Variants in NUP210 observed in about 807,000 individuals in gnomAD.
NUP210 encodes nucleoporin 210.
A neutral mutation model predicts 196.0 loss-of-function variants in NUP210; 151 were observed. The ratio of observed to expected loss-of-function variants is 0.77; its 90% CI spans 0.67 to 0.88. The LOEUF is 0.88. Among genes scored for constraint, NUP210 ranks in the 40% least tolerant of loss-of-function variants. NUP210 has a pLI of 0.00. For synonymous variants in NUP210, 1,070 were observed against 1,052.7 expected (o/e 1.02, Z -0.32); for missense variants, 2,314 against 2,493.7 (o/e 0.93, Z 1.53).
At chr3:13,399,969 A>C (rs1699781880) in intron 1 of NUP210, 108 bp from the exon 2 acceptor site, 7 of 1,346,042 alleles carry the variant, frequency 5.2e-6, no homozygotes, top group Non-Finnish European at 6.0e-6. Flanking sequence ...CTGGACCCAA[A>C]GACAGAAGTG....
intron 19 of NUP210, 46 bp from the exon 20 acceptor site, chr3:13,352,026 C>G: frequency 1.9e-6 from 3 of 1,603,306 alleles, no homozygotes; most frequent in Non-Finnish European, 2.6e-6. Flanking sequence ...TGTGGGAGGG[C>G]GAGGAGTCCC....
intron 16 of NUP210, chr3:13,354,817 T>C (rs1013992594): frequency 6.6e-6 from 1 of 152,130 alleles, no homozygotes; most frequent in African/African-American, 2.4e-5. Flanking sequence ...TCCAAGGAGG[T>C]TCGCAATGGG....
rs1192345077 is a variant in NUP210 at position 13,325,861 on chromosome 3, C to T, written c.4578G>A (p.Val1526=). 6 of 1,613,926 alleles carry T rather than the reference C, an allele frequency of 3.7e-6. No homozygotes were observed. The African/African-American group carries it at 8.0e-5, about 22-fold the overall frequency. ...LHIDPKTGVA[V]ARAVGSVTVY... ...CCGTCACGGATCCCACGGCCCGGGC[C>T]ACAGCCACACCCGTCTTGGGGTCGA... Residue 1526 remains valine (V), a synonymous_variant, in exon 33 of 40, where the codon GTG becomes GTA. Coordinates refer to ENST00000254508, the MANE Select transcript of NUP210 (RefSeq NM_024923.4).
intron 20 of NUP210, among the ~76,000 whole-genome samples, chr3:13,351,209 A>T (rs1216801968): frequency 6.6e-6 from 1 of 152,250 alleles, no homozygotes; most frequent in Non-Finnish European, 1.5e-5. Flanking sequence ...GCTAAAGTCA[A>T]TGCTTGCAAG....
chr3:13,319,947 G>A lies in NUP210; in HGVS notation c.5199C>T (p.Phe1733=), dbSNP rs374239607. Residue 1733 remains phenylalanine, a synonymous_variant, in exon 37 of 40, where the codon TTC becomes TTT. Transcript: ENST00000254508. ...VKSGSPAVLA[F]AKEKSFGWPS... is the part of the protein sequence containing the mutation. ...GCCACCCAAAAGACTTCTCCTTTGC[G>A]AATGCCAGCACGGCCGGGGACCCGG... The A allele has an allele frequency of 3.8e-5, 61 of 1,614,092 alleles. 2 individuals carry two copies. The Admixed American group carries it at 9.2e-4, about 24-fold the overall frequency.
In NUP210 at chr3:13,354,122, G is replaced by A; in HGVS notation, c.2329-15C>T. ...GACACTGGGACCTGCAGGGAACACA[G>A]GTCAGATGTTGTGGTCACCCCCAGG... On this transcript the variant is annotated splice_polypyrimidine_tract_variant and intron_variant, in intron 16 of 39. Transcript: ENST00000254508. 6.4e-7 allele frequency: 1 copy of A among 1,572,392 alleles called. No homozygotes were observed. The highest frequency in any genetic ancestry group is 8.6e-7 in the Non-Finnish European group (1 of 1,159,074).
chr3:13,380,997 T>C (rs953003024), intron 6 of NUP210, among the ~76,000 whole-genome samples: 12 of 152,386 alleles, frequency 7.9e-5, no homozygotes, highest in African/African-American at 2.6e-4. Context: ...ACTCCAGGGC[T>C]GGGCTCCAGC....
At position 13,420,262 on chromosome 3, in the gene NUP210, G is replaced by T. The variant is rs769193205; in HGVS notation, c.-36C>A. 1.2e-5 allele frequency: 13 copies of T among 1,053,856 alleles called. No homozygotes were observed. In the African/African-American group the frequency reaches 2.1e-4, roughly 17 times the overall value. 65.3% of individuals were successfully genotyped at this position (1,053,856 alleles called of 1,614,324 possible). A position where few individuals can be genotyped will look rare whatever the true frequency, so the allele number is the denominator to read the frequency against. On this transcript the variant is annotated 5_prime_UTR_variant, in exon 1 of 40. Coordinates refer to ENST00000254508, the MANE Select transcript of NUP210 (RefSeq NM_024923.4). This position sits in a 1 kb window ranked among gnomAD's most constrained non-coding sequence, Gnocchi z 4.8. ...CGTCACCTCCCGCGACCCTGCGCCC[G>T]GCCGCCCGCGCCGCCCCGTTGCCCT...
chr3:13,330,140 G>T (rs1276381645), intron 30 of NUP210, among the ~76,000 whole-genome samples: 1 of 152,244 alleles, frequency 6.6e-6, no homozygotes, highest in Non-Finnish European at 1.5e-5. Context: ...AGGCACAGTG[G>T]GTGGAGCACC....
At chr3:13,389,778 C>T (rs1248422098) in intron 4 of NUP210, among the ~76,000 whole-genome samples, 1 of 152,156 alleles carries the variant, frequency 6.6e-6, no homozygotes, top group Non-Finnish European at 1.5e-5. Context: ...CAGTAAACTC[C>T]CTGACAAAGG....
chr3:13,408,874 C>T (rs1029139082), intron 1 of NUP210, among the ~76,000 whole-genome samples: 2 of 151,778 alleles, frequency 1.3e-5, no homozygotes, highest in East Asian at 3.9e-4. Context: ...GGGCTGCATA[C>T]TCTGCAAGTG....
intron 31 of NUP210, 78 bp from the exon 32 acceptor site, chr3:13,327,515 T>C (rs1425003772): frequency 2.8e-6 from 3 of 1,060,192 alleles, no homozygotes; most frequent in Middle Eastern, 3.0e-4. Context: ...ACGTAATCCA[T>C]GTCCTCTGCT....
At chr3:13,411,897 C>T (rs542185093) in intron 1 of NUP210, among the ~76,000 whole-genome samples, 6 of 152,134 alleles carry the variant, frequency 3.9e-5, no homozygotes, top group Admixed American at 1.3e-4. Context: ...CCCAGCACCA[C>T]GCCCAGCTAT....
At position 13,352,187 on chromosome 3, in the gene NUP210, G is replaced by A. The variant is rs372170312; in HGVS notation, c.2629-3C>T. 2 of 1,607,702 alleles carry A rather than the reference G, an allele frequency of 1.2e-6. No homozygotes were observed. Among genetic ancestry groups the A allele is most frequent in the African/African-American group, 2.7e-5 (2 of 74,832 alleles). ...GACAGAGGCACCAGAGGGTCATGCT[G>A]AAGGACAAGGGCAAGGCCATTAGAT... On this transcript the variant is annotated splice_region_variant and splice_polypyrimidine_tract_variant and intron_variant, in intron 18 of 39. Transcript: ENST00000254508.
chr3:13,376,939 C>T (rs1032409061), intron 9 of NUP210, among the ~76,000 whole-genome samples: 4 of 152,112 alleles, frequency 2.6e-5, no homozygotes, highest in African/African-American at 9.7e-5. Context: ...TCACAGGGGA[C>T]AGAGAGGCAG....
At chr3:13,410,974 C>G (rs1700157505) in intron 1 of NUP210, among the ~76,000 whole-genome samples, 1 of 150,094 alleles carries the variant, frequency 6.7e-6, no homozygotes, top group South Asian at 2.1e-4. Flanking sequence ...TTAGTCCCAG[C>G]ACTTTGGGAG....
chr3:13,372,727 C>A (rs1227953858), intron 12 of NUP210, among the ~76,000 whole-genome samples: 1 of 152,122 alleles, frequency 6.6e-6, no homozygotes, highest in African/African-American at 2.4e-5. Flanking sequence ...ACTCACCTGG[C>A]GAAGCACTGG....
chr3:13,379,069 A>G lies in NUP210; in HGVS notation c.977-89T>C. On this transcript the variant is annotated intron_variant, in intron 7 of 39. Transcript: ENST00000254508. The surrounding 1 kb of genome is among the most constrained non-coding windows in gnomAD (Gnocchi z 4.2). ...AGCTTGGCTCAGAATCCTGATCATC[A>G]AGACATCACATGGAGAGAAGAAGAG... 9.4e-7 allele frequency: 1 copy of G among 1,061,834 alleles called. No individual in the cohort carries two copies. Among genetic ancestry groups the G allele is most frequent in the Non-Finnish European group, 1.5e-6 (1 of 678,776 alleles). The allele number at this position is 1,061,834 out of a possible 1,614,324, so 65.8% of individuals were successfully genotyped here.
chr3:13,400,993 C>A (rs901655244), intron 1 of NUP210, among the ~76,000 whole-genome samples: 1 of 152,108 alleles, frequency 6.6e-6, no homozygotes, highest in Non-Finnish European at 1.5e-5. Context: ...CGCAGTGGCT[C>A]ATGCCTGTAA....
Sources: gnomAD v4.1 joint callset for allele counts (sites outside exome capture counted in the v4.1 genomes callset) on GRCh38, gnomAD v4.1.1 for gene constraint, Gnocchi (gnomAD v3.1) non-coding constraint, MANE v1.5 for transcripts, NCBI Gene and HGNC (gene_info 2026-07-23, HGNC 2026-07-21) for gene names.